Variants in NRXN3 observed in about 807,000 individuals in gnomAD.
NRXN3 encodes the protein neurexin 3, also known as neurexin III.
NRXN3 carries 32 observed loss-of-function variants against 137.6 expected under a neutral mutation model. The ratio of observed to expected loss-of-function variants is 0.23; its 90% CI spans 0.18 to 0.31. The LOEUF is 0.31. NRXN3 is among the 10% of genes least tolerant of loss of function. The pLI, the probability that NRXN3 is intolerant of heterozygous loss-of-function variation, is 1.00. For missense variants in NRXN3, 1,574 were observed against 2,062.5 expected, an observed-to-expected ratio of 0.76 and a Z score of 4.59; for synonymous variants, 798 against 784.5, an observed-to-expected ratio of 1.02 and a Z score of -0.29.
intron 14 of NRXN3, among the ~76,000 whole-genome samples, chr14:78,977,796 T>C (rs1197563334): frequency 6.6e-6 from 1 of 152,192 alleles, no homozygotes. Context: ...CAGGAATTTC[T>C]AGGAATTTTG....
chr14:79,309,721 A>T (rs1287484897), intron 15 of NRXN3, among the ~76,000 whole-genome samples: 1 of 147,346 alleles, frequency 6.8e-6, no homozygotes, highest in Admixed American at 6.7e-5. Context: ...TTGGCTGCAT[A>T]AATGTCTTCT....
chr14:78,815,419 C>A (rs2098928926), intron 10 of NRXN3, among the ~76,000 whole-genome samples: 1 of 150,544 alleles, frequency 6.6e-6, no homozygotes, highest in Admixed American at 6.6e-5. Context: ...TTTTATCTCC[C>A]AAGACTACTA....
At chr14:78,924,113 G>A (rs1172082494) in intron 10 of NRXN3, among the ~76,000 whole-genome samples, 1 of 152,178 alleles carries the variant, frequency 6.6e-6, no homozygotes, top group Middle Eastern at 3.2e-3. Context: ...GCAGGGCGTG[G>A]TGGCACACGC....
At chr14:78,646,090 A>G (rs1268239190) in intron 5 of NRXN3, among the ~76,000 whole-genome samples, 2 of 151,658 alleles carry the variant, frequency 1.3e-5, no homozygotes, top group African/African-American at 2.4e-5. Flanking sequence ...AAGTGGAAGG[A>G]CCCAAATAAA....
At chr14:79,815,321 G>T (rs1429310941) in intron 20 of NRXN3, among the ~76,000 whole-genome samples, 1 of 152,150 alleles carries the variant, frequency 6.6e-6, no homozygotes, top group East Asian at 1.9e-4. Context: ...TGAGTAATAG[G>T]TGATATATTA....
At chr14:79,798,228 T>C (rs1257712476) in intron 19 of NRXN3, among the ~76,000 whole-genome samples, 1 of 152,180 alleles carries the variant, frequency 6.6e-6, no homozygotes, top group African/African-American at 2.4e-5. Flanking sequence ...GGTCAAACTT[T>C]TCAAATCTCA....
intron 15 of NRXN3, among the ~76,000 whole-genome samples, chr14:79,090,600 T>C (rs762474693): frequency 6.6e-6 from 1 of 152,104 alleles, no homozygotes; most frequent in African/African-American, 2.4e-5. Context: ...TCTGTCACCA[T>C]GGCTTCATAT....
At position 78,366,410 on chromosome 14, in the gene NRXN3, T is replaced by A. The variant is rs1038800057; in HGVS notation, c.757+68550T>A. Among the ~76,000 whole-genome samples the A allele has an allele frequency of 5.3e-5, 8 of 152,208 alleles. No homozygotes were observed. The East Asian group carries it at 7.7e-4, about 15-fold the overall frequency. On this transcript the variant is annotated intron_variant, in intron 4 of 20. Coordinates refer to ENST00000335750, the MANE Select transcript of NRXN3 (RefSeq NM_001330195.2). ...ATTAAAGTGCACATTTAATAAAAAA[T>A]TTGTGTTTAAAATTAGTGCCCATCT... is the stretch of plus-strand genomic sequence containing the variant.
intron 15 of NRXN3, among the ~76,000 whole-genome samples, chr14:79,151,479 C>T (rs371035271): frequency 1.3e-5 from 2 of 152,054 alleles, no homozygotes; most frequent in African/African-American, 4.8e-5. Context: ...CAGGAGGTTC[C>T]TGCCAATACT....
At chr14:78,778,411 C>T (rs1390188973) in intron 8 of NRXN3, among the ~76,000 whole-genome samples, 1 of 152,202 alleles carries the variant, frequency 6.6e-6, no homozygotes, top group Admixed American at 6.5e-5. Flanking sequence ...TTCCTTGGTG[C>T]AGTTAATTTT....
intron 4 of NRXN3, among the ~76,000 whole-genome samples, chr14:78,520,187 C>A (rs915335902): frequency 2.0e-5 from 3 of 152,152 alleles, no homozygotes; most frequent in African/African-American, 7.2e-5. Flanking sequence ...CAGGACCTTG[C>A]CTTGGATACT....
At chr14:79,602,943 G>A (rs1458691784) in intron 16 of NRXN3, among the ~76,000 whole-genome samples, 1 of 152,008 alleles carries the variant, frequency 6.6e-6, no homozygotes, top group African/African-American at 2.4e-5. Context: ...TTTATTCCGT[G>A]GGCTGCTCAC....
At chr14:78,290,836 C>A (rs959894220) in intron 3 of NRXN3, among the ~76,000 whole-genome samples, 2 of 152,288 alleles carry the variant, frequency 1.3e-5, no homozygotes, top group African/African-American at 4.8e-5. Context: ...GACCTTTAAC[C>A]TGGCTGGCCT....
chr14:79,468,699 T>C (rs1405446339), intron 16 of NRXN3, among the ~76,000 whole-genome samples: 1 of 152,216 alleles, frequency 6.6e-6, no homozygotes, highest in Non-Finnish European at 1.5e-5. Context: ...ACACTTGCTC[T>C]TCCAGCATGC....
chr14:79,835,247 A>G (rs780500918), intron 20 of NRXN3, among the ~76,000 whole-genome samples: 2 of 152,136 alleles, frequency 1.3e-5, no homozygotes, highest in Admixed American at 1.3e-4. Context: ...CAGCCATTTC[A>G]CAACTTGTAT....
intron 15 of NRXN3, among the ~76,000 whole-genome samples, chr14:79,441,563 G>T (rs1347922331): frequency 6.6e-6 from 1 of 151,486 alleles, no homozygotes; most frequent in African/African-American, 2.4e-5. Context: ...TGTATTTTTA[G>T]TAGAGACGGG....
chr14:78,586,182 C>T (rs1403335239), intron 4 of NRXN3, among the ~76,000 whole-genome samples: 1 of 152,190 alleles, frequency 6.6e-6, no homozygotes, highest in East Asian at 1.9e-4. Context: ...GTGACAAAGA[C>T]TCATGGCCTG....
intron 14 of NRXN3, among the ~76,000 whole-genome samples, chr14:78,969,031 A>G (rs2099429209): frequency 1.3e-5 from 2 of 152,216 alleles, no homozygotes; most frequent in Admixed American, 6.5e-5. Context: ...TTTCTTACCT[A>G]TAAAACAGGG....
chr14:79,272,982 C>T (rs2079588948), intron 15 of NRXN3, among the ~76,000 whole-genome samples: 1 of 151,722 alleles, frequency 6.6e-6, no homozygotes. Flanking sequence ...ACCATCCTGG[C>T]TAACATGGTG....
Sources: gnomAD v4.1 joint callset for allele counts (sites outside exome capture counted in the v4.1 genomes callset) on GRCh38, gnomAD v4.1.1 for gene constraint, MANE v1.5 for transcripts, NCBI Gene and HGNC (gene_info 2026-07-23, HGNC 2026-07-21) for gene names.